AFAP1L2: variants seen among roughly 807,000 people sequenced by gnomAD.
The protein encoded by AFAP1L2 is actin filament associated protein 1 like 2, also known as actin filament-associated protein 1-like 2.
AFAP1L2 carries 46 observed loss-of-function variants against 99.3 expected under a neutral mutation model. The ratio of observed to expected loss-of-function variants is 0.46; its 90% CI spans 0.37 to 0.59. The LOEUF is 0.59. Among genes scored for constraint, AFAP1L2 ranks in the 20% least tolerant of loss-of-function variants. The pLI is 0.00. For missense variants in AFAP1L2, 959 were observed against 1,034.9 expected (o/e 0.93, Z 1.01); for synonymous variants, 397 against 419.1 (o/e 0.95, Z 0.64).
chr10:114,349,742 T>C (rs7896339), intron 1 of AFAP1L2, among the ~76,000 whole-genome samples: 10,033 of 140,212 alleles, frequency 0.072, 974 homozygotes, highest in African/African-American at 0.22. Flanking sequence ...GAGCCAAATG[T>C]AAATAACTTT....
intron 12 of AFAP1L2, chr10:114,301,732 A>G (rs2041232329): frequency 2.0e-6 from 1 of 490,438 alleles, no homozygotes; most frequent in Admixed American, 3.3e-5. Flanking sequence ...TCCCTTTGCC[A>G]TCTTCTCCCC....
intron 4 of AFAP1L2, chr10:114,326,004 T>G: frequency 1.6e-6 from 2 of 1,273,012 alleles, no homozygotes; most frequent in Non-Finnish European, 2.0e-6. Context: ...GGAGAAAAGC[T>G]CTGGGCACCC....
At chr10:114,291,216 A>G (rs1342844467), downstream of AFAP1L2, 4 of 1,550,442 alleles carry the variant, frequency 2.6e-6, no homozygotes, top group Non-Finnish European at 3.5e-6. Context: ...TTCCTTCCCC[A>G]GGATTCTTGA....
At position 114,304,775 on chromosome 10, in the gene AFAP1L2, C is replaced by T. The variant is rs752179292; in HGVS notation, c.1228G>A (p.Asp410Asn). 13 of 1,612,902 alleles carry T rather than the reference C, an allele frequency of 8.1e-6. No homozygotes were observed. Among genetic ancestry groups the T allele is most frequent in the South Asian group, 1.1e-5 (1 of 91,050 alleles). Reference protein sequence around the residue: ...GCEVVPDPSPDHLYSFRILHK... With the variant: ...GCEVVPDPSPNHLYSFRILHK... The stretch of plus-strand genomic sequence containing the variant: ...AGGATGCGGAAGGAGTAGAGGTGGT[C>T]GGGGCTGGGGTCTGGGACCACCTCG... The change falls in exon 11 of 19, where the codon GAC (aspartate) becomes AAC (asparagine). Residue 410 changes from aspartate to asparagine, a missense_variant. Physicochemically the swap from Asp to Asn is conservative, Grantham distance 23. Coordinates refer to ENST00000304129, the MANE Select transcript of AFAP1L2 (RefSeq NM_001001936.3).
intron 7 of AFAP1L2, among the ~76,000 whole-genome samples, chr10:114,311,874 A>G (rs1477371843): frequency 6.6e-6 from 1 of 152,238 alleles, no homozygotes; most frequent in Admixed American, 6.5e-5. Context: ...ACAGAGGTCC[A>G]AGGAAGGTAG....
At chr10:114,354,050 C>A (rs1294793992) in intron 1 of AFAP1L2, among the ~76,000 whole-genome samples, 1 of 152,180 alleles carries the variant, frequency 6.6e-6, no homozygotes, top group Non-Finnish European at 1.5e-5. Context: ...GCTCATGGAG[C>A]ACGACCGCTG....
At chr10:114,311,009 A>G (rs2043162848) in intron 7 of AFAP1L2, among the ~76,000 whole-genome samples, 1 of 118,974 alleles carries the variant, frequency 8.4e-6, no homozygotes, top group Non-Finnish European at 1.6e-5. Flanking sequence ...TTCATTGACC[A>G]GTGGAGGAAG....
intron 1 of AFAP1L2, among the ~76,000 whole-genome samples, chr10:114,374,210 G>A (rs971693247): frequency 1.3e-5 from 2 of 152,030 alleles, no homozygotes; most frequent in African/African-American, 4.8e-5. Context: ...CCCAGGCAAC[G>A]CGACCCCAAA....
intron 7 of AFAP1L2, among the ~76,000 whole-genome samples, chr10:114,311,417 T>A (rs1482987007): frequency 1.3e-5 from 2 of 152,018 alleles, no homozygotes; most frequent in Admixed American, 1.3e-4. Context: ...TGGAAATGGG[T>A]TTCAAATCAG....
At chr10:114,300,812 C>T in intron 13 of AFAP1L2, 122 bp from the exon 14 acceptor site, 22 of 1,370,276 alleles carry the variant, frequency 1.6e-5, no homozygotes, top group Non-Finnish European at 2.1e-5. Context: ...AGATCTCCCT[C>T]CCTGCTGGGG....
At chr10:114,398,955 T>G in intron 1 of AFAP1L2, 2 of 1,285,224 alleles carry the variant, frequency 1.6e-6, no homozygotes, top group Non-Finnish European at 2.1e-6. Flanking sequence ...GGGTGGCCAC[T>G]GTGGGCTTTC....
Position 114,300,360 on chromosome 10 carries a change from C to T in AFAP1L2, c.1791G>A (p.Gln597=), listed in dbSNP as rs549281042. Residue 597 remains glutamine, a splice_region_variant and synonymous_variant, in exon 15 of 19, where the codon CAG becomes CAA. Transcript: ENST00000304129. ...IKCPENLGEQ[Q]LESLEPEDPS... is the part of the protein sequence containing the mutation. Reference sequence around the variant, plus strand: ...GATCCTCTGGCTCCAAACTCTCCAGCTGCTTTGGGGGAAAGCAGACCTGAC... The same window carrying T: ...GATCCTCTGGCTCCAAACTCTCCAGTTGCTTTGGGGGAAAGCAGACCTGAC... The T allele has an allele frequency of 1.1e-5, 17 of 1,614,128 alleles. No individual in the cohort carries two copies. In the African/African-American group the frequency reaches 1.6e-4, roughly 15 times the overall value.
chr10:114,313,766 G>GA, intron 7 of AFAP1L2, 105 bp downstream of exon 7: 1 of 1,214,046 alleles, frequency 8.2e-7, no homozygotes, highest in East Asian at 2.6e-5. Context: ...CTGCAAACTT[G>GA]AAGGATCACA....
intron 5 of AFAP1L2, among the ~76,000 whole-genome samples, chr10:114,320,596 T>C (rs2420055): frequency 0.74 from 112,807 of 152,206 alleles, 43,636 homozygotes; most frequent in East Asian, 0.93. Context: ...TCCTCCATCT[T>C]GGAGCTTTCC....
At chr10:114,299,642 C>A (rs740486) in intron 15 of AFAP1L2, among the ~76,000 whole-genome samples, 1 of 152,270 alleles carries the variant, frequency 6.6e-6, no homozygotes. Flanking sequence ...TTGAAGGATG[C>A]AAAGTATTGT....
At chr10:114,404,604 C>T, upstream of AFAP1L2, 1 of 1,166,840 alleles carries the variant, frequency 8.6e-7, no homozygotes, top group Non-Finnish European at 1.1e-6. Context: ...CCAGGGTCCT[C>T]GGACCTGGCC....
Position 114,315,776 on chromosome 10 carries a change from G to A in AFAP1L2, c.407-11C>T. On this transcript the variant is annotated splice_polypyrimidine_tract_variant and intron_variant, in intron 5 of 18. Coordinates refer to ENST00000304129, the MANE Select transcript of AFAP1L2 (RefSeq NM_001001936.3). ...CAGCCTCTCCGTCCTCTGCAAGGAAGACCAGCTCGGTCAGGGCCCCATGGG... is the reference window on the plus strand; with the variant it reads ...CAGCCTCTCCGTCCTCTGCAAGGAAAACCAGCTCGGTCAGGGCCCCATGGG... The A allele has an allele frequency of 6.2e-7, 1 of 1,604,440 alleles. No homozygotes were observed. The highest frequency in any genetic ancestry group is 1.1e-5 in the South Asian group (1 of 89,752).
intron 1 of AFAP1L2, among the ~76,000 whole-genome samples, chr10:114,383,418 T>A (rs990544020): frequency 6.6e-6 from 1 of 152,026 alleles, no homozygotes; most frequent in Admixed American, 6.5e-5. Flanking sequence ...GGAAAGGAGC[T>A]TTTTTATTAT....
intron 1 of AFAP1L2, among the ~76,000 whole-genome samples, chr10:114,384,001 G>A (rs956238009): frequency 6.6e-6 from 1 of 152,126 alleles, no homozygotes; most frequent in East Asian, 1.9e-4. Context: ...TGCCCCTAGC[G>A]CTTCTCCCTT....
Sources: allele counts gnomAD v4.1 joint callset (sites outside exome capture counted in the v4.1 genomes callset), GRCh38; gene constraint gnomAD v4.1.1; transcripts MANE v1.5; gene names NCBI Gene and HGNC (gene_info 2026-07-23, HGNC 2026-07-21).